The following GARIN5B variants were observed in gnomAD, a reference collection of about 807,000 sequenced individuals.
GARIN5B encodes Golgi-associated RAB2 interactor protein 5B.
chr19:55,356,383 T>TC, the GARIN5B span, among the ~76,000 whole-genome samples: 1 of 151,610 alleles, frequency 6.6e-6, no homozygotes, highest in East Asian at 1.9e-4. Flanking sequence ...TTAACTTTTT[T>TC]TTTTTTTGAG....
chr19:55,357,926 C>T, the GARIN5B span, among the ~76,000 whole-genome samples: 88 of 151,990 alleles, frequency 5.8e-4, 3 homozygotes, highest in South Asian at 4.2e-4. Flanking sequence ...TGGTGGCACA[C>T]GCCTGTAATC....
chr19:55,363,151 C>T, the GARIN5B span: 278 of 1,347,500 alleles, frequency 2.1e-4, no homozygotes, highest in Middle Eastern at 8.7e-4. The surrounding 1 kb of genome is among the most constrained non-coding windows in gnomAD (Gnocchi z 4.0). Context: ...AGCCTTGACC[C>T]GTGGGGCTTC....
At chr19:55,361,579 G>A in the GARIN5B span, 25 of 709,356 alleles carry the variant, frequency 3.5e-5, no homozygotes, top group East Asian at 2.9e-4. Context: ...GCCCCCAGCC[G>A]CTCCTCCGTC....
At chr19:55,359,198 C>T in the GARIN5B span, 1,361 of 1,551,440 alleles carry the variant, frequency 8.8e-4, 9 homozygotes, top group East Asian at 0.018. Context: ...GAGCTTCCCC[C>T]GTGAGGCAGG....
chr19:55,363,133 G>A, the GARIN5B span: 14 of 1,405,044 alleles, frequency 1.0e-5, no homozygotes, highest in African/African-American at 3.0e-5. The surrounding 1 kb of genome is among the most constrained non-coding windows in gnomAD (Gnocchi z 4.0). Flanking sequence ...TCCCAGCCCC[G>A]GCCCACCAGC....
the GARIN5B span, chr19:55,362,433 C>T: frequency 6.5e-7 from 1 of 1,550,248 alleles, no homozygotes; most frequent in Non-Finnish European, 8.7e-7. Context: ...CGGCCCGAGA[C>T]CAGGCGCAGC....
At chr19:55,360,905 C>T in the GARIN5B span, 22 of 1,542,276 alleles carry the variant, frequency 1.4e-5, no homozygotes, top group East Asian at 5.2e-4. Context: ...CTGAGTGGGA[C>T]CTGCAGGAGC....
chr19:55,355,137 C>T, the GARIN5B span: 1 of 206,920 alleles, frequency 4.8e-6, no homozygotes, highest in African/African-American at 2.5e-5. Flanking sequence ...GGTCCGGGCT[C>T]CTGGGAACCC....
chr19:55,359,319 G>C, the GARIN5B span: 7 of 1,551,036 alleles, frequency 4.5e-6, no homozygotes, highest in Non-Finnish European at 6.1e-6. Context: ...ACAGCCTTCT[G>C]GGGAATGGTA....
the GARIN5B span, chr19:55,359,624 A>G: frequency 8.4e-6 from 13 of 1,550,806 alleles, no homozygotes; most frequent in South Asian, 1.5e-4. Context: ...CTGGTCAACA[A>G]GGAACGGTGC....
At chr19:55,361,979 T>G in the GARIN5B span, among the ~76,000 whole-genome samples, 2 of 58,590 alleles carry the variant, frequency 3.4e-5, no homozygotes, top group Non-Finnish European at 6.5e-5. Context: ...AGCTCCTCCC[T>G]AGACCCAGGA....
chr19:55,357,813 G>A, the GARIN5B span, among the ~76,000 whole-genome samples: 2 of 152,232 alleles, frequency 1.3e-5, no homozygotes, highest in Middle Eastern at 3.2e-3. Context: ...CAGCACTTTG[G>A]GAGGCCGAGG....
the GARIN5B span, chr19:55,360,950 G>T: frequency 1.3e-6 from 2 of 1,545,664 alleles, no homozygotes; most frequent in Non-Finnish European, 1.8e-6. Flanking sequence ...CTGGGCTGGG[G>T]TCTCCCACCT....
chr19:55,361,025 C>A, the GARIN5B span: 1 of 1,551,014 alleles, frequency 6.4e-7, no homozygotes, highest in South Asian at 1.2e-5. Context: ...TTCTTCCTGA[C>A]GTCAGCATGC....
the GARIN5B span, chr19:55,361,365 A>G: frequency 1.8e-5 from 28 of 1,538,806 alleles, no homozygotes; most frequent in Non-Finnish European, 2.5e-5. Flanking sequence ...TGTCCCTGCG[A>G]CGGGGAGAAC....
the GARIN5B span, chr19:55,358,971 G>C: frequency 6.4e-7 from 1 of 1,551,166 alleles, no homozygotes; most frequent in Non-Finnish European, 8.7e-7. Context: ...AAGGCCTCCA[G>C]GGTCACCTCC....
the GARIN5B span, chr19:55,359,911 G>C: frequency 1.3e-6 from 2 of 1,551,398 alleles, no homozygotes; most frequent in South Asian, 2.4e-5. Context: ...TGTCAGCTGA[G>C]ACACAGTGTG....
At chr19:55,361,316 C>A in the GARIN5B span, 1 of 1,539,670 alleles carries the variant, frequency 6.5e-7, no homozygotes. Context: ...TTGTGGAGGG[C>A]CCCACCAAGG....
the GARIN5B span, chr19:55,362,594 C>G: frequency 6.5e-7 from 1 of 1,543,940 alleles, no homozygotes; most frequent in South Asian, 1.2e-5. Context: ...AGCACGAGGC[C>G]GGAGCAGTCC....
Sources: gnomAD v4.1 joint callset for allele counts (sites outside exome capture counted in the v4.1 genomes callset) on GRCh38, gnomAD v4.1.1 for gene constraint, Gnocchi (gnomAD v3.1) non-coding constraint, MANE v1.5 for transcripts, NCBI Gene and HGNC (gene_info 2026-07-23, HGNC 2026-07-21) for gene names.